Variants in CSMD1 observed in about 807,000 individuals in gnomAD.
CSMD1 encodes the protein CUB and sushi domain-containing protein 1.
CSMD1 carries 213 observed loss-of-function variants against 417.5 expected under a neutral mutation model. That is an observed-to-expected ratio of 0.51 (90% CI 0.46 to 0.57). CSMD1 has a LOEUF of 0.57. CSMD1 is among the 20% of genes least tolerant of loss of function. The pLI, the probability that CSMD1 is intolerant of heterozygous loss-of-function variation, is 0.00. For missense variants in CSMD1, 6,923 were observed against 4,529.7 expected, an observed-to-expected ratio of 1.53 and a Z score of -15.17; for synonymous variants, 2,862 against 1,736.8, an observed-to-expected ratio of 1.65 and a Z score of -16.11.
At chr8:4,675,976 T>C (rs1462628170) in intron 1 of CSMD1, among the ~76,000 whole-genome samples, 2 of 152,218 alleles carry the variant, frequency 1.3e-5, no homozygotes, top group Non-Finnish European at 2.9e-5. Context: ...CTTTTATAGA[T>C]AATAGCAATT....
intron 26 of CSMD1, among the ~76,000 whole-genome samples, chr8:3,231,332 G>T (rs1798822533): frequency 6.6e-6 from 1 of 152,044 alleles, no homozygotes; most frequent in South Asian, 2.1e-4. Context: ...TCTCTGCAAA[G>T]TACTTCACTG....
chr8:4,732,806 C>T (rs960256761), intron 1 of CSMD1, among the ~76,000 whole-genome samples: 1 of 152,158 alleles, frequency 6.6e-6, no homozygotes, highest in Non-Finnish European at 1.5e-5. Flanking sequence ...TTAGTAACTC[C>T]AGGCAGTAAA....
At chr8:4,239,054 G>T (rs1293987679) in intron 3 of CSMD1, among the ~76,000 whole-genome samples, 7 of 152,026 alleles carry the variant, frequency 4.6e-5, no homozygotes, top group Admixed American at 2.6e-4. Flanking sequence ...ACACATCCCT[G>T]AACAAAAATA....
chr8:3,482,831 G>A (rs1485051198), intron 11 of CSMD1, among the ~76,000 whole-genome samples: 2 of 152,024 alleles, frequency 1.3e-5, no homozygotes, highest in South Asian at 4.1e-4. Context: ...AAAGGCAGTA[G>A]AAAAATCTCT....
At chr8:4,778,702 T>C (rs1481951548) in intron 1 of CSMD1, among the ~76,000 whole-genome samples, 1 of 152,198 alleles carries the variant, frequency 6.6e-6, no homozygotes, top group East Asian at 1.9e-4. Flanking sequence ...TCAGAAATAC[T>C]TTCCATGGGA....
chr8:4,193,718 C>T (rs181945969), intron 3 of CSMD1, among the ~76,000 whole-genome samples: 2 of 152,130 alleles, frequency 1.3e-5, no homozygotes, highest in Non-Finnish European at 2.9e-5. Context: ...GGCGCAGGAA[C>T]CACGTCTCCA....
rs556069170 is a variant in CSMD1, at chr8:3,808,707, C to G, written c.819-54665G>C. On this transcript the variant is annotated intron_variant, in intron 5 of 69. Coordinates refer to ENST00000635120, the MANE Select transcript of CSMD1 (RefSeq NM_033225.6). ...AGGTTTGGCACTCTAGAAGTTCCCA[C>G]TTGCGTAAACTTTCAACTCTCTCTC... Among the ~76,000 whole-genome samples the G allele has an allele frequency of 2.0e-5, 3 of 152,310 alleles. 1 individual carries two copies. The highest frequency in any genetic ancestry group is 2.0e-4 in the Admixed American group (3 of 15,292).
chr8:3,665,118 T>G (rs1464064764), intron 7 of CSMD1, among the ~76,000 whole-genome samples: 2 of 152,144 alleles, frequency 1.3e-5, no homozygotes, highest in Non-Finnish European at 2.9e-5. Flanking sequence ...ATAAGAAAGT[T>G]TCAGGTGATT....
intron 1 of CSMD1, among the ~76,000 whole-genome samples, chr8:4,773,564 C>G (rs1335033808): frequency 1.3e-5 from 2 of 152,184 alleles, no homozygotes; most frequent in African/African-American, 4.8e-5. Context: ...TACTTTCACA[C>G]TGAATCCTCC....
intron 6 of CSMD1, among the ~76,000 whole-genome samples, chr8:3,735,374 T>A (rs989939982): frequency 6.6e-6 from 1 of 152,142 alleles, no homozygotes; most frequent in Non-Finnish European, 1.5e-5. Flanking sequence ...AGACTTTTAA[T>A]CCTGGAAGTT....
chr8:4,307,340 A>G (rs988742580), intron 3 of CSMD1, among the ~76,000 whole-genome samples: 1 of 152,140 alleles, frequency 6.6e-6, no homozygotes. Flanking sequence ...GAGGCTGAAA[A>G]TGAGTCAGAG....
intron 5 of CSMD1, among the ~76,000 whole-genome samples, chr8:3,912,711 G>A (rs1384680265): frequency 1.3e-5 from 2 of 152,126 alleles, no homozygotes; most frequent in East Asian, 1.9e-4. Context: ...ACAACTGATG[G>A]GATGAAATGT....
chr8:4,357,169 G>A (rs578155892), intron 3 of CSMD1, among the ~76,000 whole-genome samples: 35 of 152,094 alleles, frequency 2.3e-4, no homozygotes, highest in African/African-American at 6.5e-4. Context: ...AATATGGTAC[G>A]CAAATGCTCA....
intron 3 of CSMD1, among the ~76,000 whole-genome samples, chr8:4,276,975 A>G (rs999260065): frequency 1.4e-4 from 21 of 152,190 alleles, no homozygotes; most frequent in Admixed American, 8.5e-4. Flanking sequence ...AACAAACTAC[A>G]TATTTTAAAA....
At chr8:4,436,952 T>C (rs1798182757) in intron 2 of CSMD1, among the ~76,000 whole-genome samples, 1 of 152,174 alleles carries the variant, frequency 6.6e-6, no homozygotes, top group African/African-American at 2.4e-5. Flanking sequence ...AAATCTTACC[T>C]AGAGTGTACA....
intron 27 of CSMD1, among the ~76,000 whole-genome samples, chr8:3,229,091 A>C (rs1168804446): frequency 6.6e-6 from 1 of 152,158 alleles, no homozygotes; most frequent in African/African-American, 2.4e-5. Flanking sequence ...GCGCCGTATC[A>C]CAGCTCCCCA....
chr8:4,755,706 T>G (rs1248534093), intron 1 of CSMD1, among the ~76,000 whole-genome samples: 1 of 152,352 alleles, frequency 6.6e-6, no homozygotes, highest in South Asian at 2.1e-4. Context: ...TCACACAATT[T>G]TGAATCTTGC....
chr8:4,539,990 T>C (rs1303451324), intron 2 of CSMD1, among the ~76,000 whole-genome samples: 2 of 152,292 alleles, frequency 1.3e-5, no homozygotes, highest in Non-Finnish European at 2.9e-5. Context: ...CCCATGGCTA[T>C]TGAGCCGCTC....
At chr8:4,328,944 T>C (rs972145401) in intron 3 of CSMD1, among the ~76,000 whole-genome samples, 1 of 152,242 alleles carries the variant, frequency 6.6e-6, no homozygotes, top group Non-Finnish European at 1.5e-5. Flanking sequence ...TTGCAATGCA[T>C]TTGCAAGTTT....
Sources: allele counts gnomAD v4.1 joint callset (sites outside exome capture counted in the v4.1 genomes callset), GRCh38; gene constraint gnomAD v4.1.1; transcripts MANE v1.5; gene names NCBI Gene and HGNC (gene_info 2026-07-23, HGNC 2026-07-21).